NRK: variants seen among roughly 807,000 people sequenced by gnomAD.
The protein encoded by NRK is nik-related protein kinase.
NRK carries 67 observed loss-of-function variants against 125.2 expected under a neutral mutation model. The ratio of observed to expected loss-of-function variants is 0.54; its 90% confidence interval spans 0.44 to 0.66. The LOEUF (loss-of-function observed/expected upper bound fraction) is 0.66. NRK is among the 30% of genes least tolerant of loss of function. The probability of loss-of-function intolerance (pLI) is 0.00; values close to 1 mark genes in which losing one functional copy is unlikely to be tolerated. For missense variants in NRK, 1,224 were observed against 1,192.9 expected, an observed-to-expected ratio of 1.03 and a Z score of -0.38; for synonymous variants, 458 against 429.0, an observed-to-expected ratio of 1.07 and a Z score of -0.84.
At chrX:105,915,044 C>A (rs1162763486) in intron 14 of NRK, among the ~76,000 whole-genome samples, 2 of 107,773 alleles carry the variant, frequency 1.9e-5, no homozygotes, top group Non-Finnish European at 3.8e-5. Context: ...ATTATATGCA[C>A]CCTTTCTTGA....
intron 2 of NRK, among the ~76,000 whole-genome samples, chrX:105,831,504 C>A (rs942613555): frequency 8.9e-6 from 1 of 112,264 alleles, no homozygotes; most frequent in East Asian, 2.8e-4. Context: ...TCATAACATT[C>A]TATATCATAC....
At chrX:105,911,816 G>T (rs2040305804) in intron 13 of NRK, among the ~76,000 whole-genome samples, 1 of 111,709 alleles carries the variant, frequency 9.0e-6, no homozygotes, top group African/African-American at 3.2e-5. Context: ...ATCTCTGAAA[G>T]ATTCAGTGAT....
chrX:105,893,890 A>G lies in NRK; in HGVS notation c.437A>G (p.Asn146Ser), dbSNP rs2040046642. The G allele has an allele frequency of 8.3e-7, 1 of 1,198,312 alleles. No homozygotes were observed. The change falls in exon 6 of 29, where the codon AAT becomes AGT. Residue 146 changes from asparagine to serine, a missense_variant. Coordinates refer to ENST00000243300, the MANE Select transcript of NRK (RefSeq NM_198465.4). ...SVTDVVRMTS[N>S]QSLKEDWIAY... ...ACTGATGTAGTGAGAATGACCAGTA[A>G]TCAGAGTTTAAAAGAAGATTGGATT...
At chrX:105,951,396 G>A (rs2040896320) in intron 27 of NRK, among the ~76,000 whole-genome samples, 2 of 111,173 alleles carry the variant, frequency 1.8e-5, no homozygotes, top group African/African-American at 6.5e-5. Context: ...GCTACTTTAA[G>A]TTGCTAGAAT....
rs2039185169 is a variant in NRK at position 105,831,050 on chromosome X, G to C, written c.58-4G>C. The C allele has an allele frequency of 8.9e-7, 1 of 1,120,901 alleles. No homozygotes were observed. Among genetic ancestry groups the C allele is most frequent in the Admixed American group, 2.3e-5 (1 of 43,250 alleles). 92.4% of individuals were successfully genotyped at this position (1,120,901 alleles called of 1,213,427 possible). ...TTAACAATTTTTATTTTACTTTTTT[G>C]CAGGATCCAACTGGAATATTCTCAC... On this transcript the variant is annotated splice_region_variant and splice_polypyrimidine_tract_variant and intron_variant, in intron 1 of 28. Coordinates refer to ENST00000243300, the MANE Select transcript of NRK (RefSeq NM_198465.4).
intron 2 of NRK, among the ~76,000 whole-genome samples, chrX:105,855,465 G>A (rs984846023): frequency 5.4e-5 from 6 of 111,279 alleles, no homozygotes; most frequent in East Asian, 2.9e-4. Context: ...GAGAAGATTC[G>A]GGGTGAGGCA....
At chrX:105,865,866 C>T (rs951285287) in intron 2 of NRK, among the ~76,000 whole-genome samples, 3 of 109,993 alleles carry the variant, frequency 2.7e-5, no homozygotes, top group Non-Finnish European at 3.8e-5. Flanking sequence ...AGCCATTTGT[C>T]GGTCAGCTCA....
chrX:105,823,128 G>A (rs1305484450), intron 1 of NRK, among the ~76,000 whole-genome samples: 3 of 112,966 alleles, frequency 2.7e-5, no homozygotes, highest in African/African-American at 9.6e-5. Context: ...GTGGGAAGGA[G>A]AGACAGAGAA....
At chrX:105,829,512 T>C (rs1196630083) in intron 1 of NRK, among the ~76,000 whole-genome samples, 3 of 112,033 alleles carry the variant, frequency 2.7e-5, no homozygotes, top group Admixed American at 1.9e-4. Flanking sequence ...ACTCATGCCT[T>C]ATATAAGTTT....
intron 10 of NRK, 33 bp from the exon 11 acceptor site, chrX:105,906,381 A>AC: frequency 1.1e-6 from 1 of 947,675 alleles, no homozygotes; most frequent in Non-Finnish European, 1.4e-6. Context: ...GACTGAGAAC[A>AC]CTTTTTTTTC....
At chrX:105,903,029 C>G (rs1201669086) in intron 9 of NRK, among the ~76,000 whole-genome samples, 1 of 111,062 alleles carries the variant, frequency 9.0e-6, no homozygotes, top group Non-Finnish European at 1.9e-5. Flanking sequence ...ACCTTTATAC[C>G]AAGGCCAGAA....
intron 14 of NRK, among the ~76,000 whole-genome samples, chrX:105,915,238 ATG>A (rs1365150998): frequency 9.0e-6 from 1 of 110,957 alleles, no homozygotes; most frequent in African/African-American, 3.3e-5. Flanking sequence ...AAATGTATGT[ATG>A]TGTGTGTGAC....
chrX:105,909,353 C>T lies in NRK; in HGVS notation c.1712C>T (p.Ala571Val), dbSNP rs1371242293. The T allele has an allele frequency of 8.3e-7, 1 of 1,206,265 alleles. No individual in the cohort carries two copies. The highest frequency in any genetic ancestry group is 1.1e-6 in the Non-Finnish European group (1 of 891,816). Reference protein sequence around the residue: ...VQEQAAEPAQAETEAEEPESL... With the variant: ...VQEQAAEPAQVETEAEEPESL... The stretch of plus-strand genomic sequence containing the variant: ...GAACAGGCTGCCGAGCCTGCACAGG[C>T]AGAGACTGAGGCAGAGGAACCTGAG... The change falls in exon 13 of 29, where the codon GCA (alanine) becomes GTA (valine). Residue 571 changes from alanine to valine, a missense_variant. Transcript: ENST00000243300.
intron 2 of NRK, among the ~76,000 whole-genome samples, chrX:105,875,973 A>G (rs1227267838): frequency 9.0e-6 from 1 of 111,342 alleles, no homozygotes; most frequent in African/African-American, 3.3e-5. Context: ...TTGTGACAAC[A>G]TGGAAGAACC....
At chrX:105,883,456 A>G (rs944857859) in intron 4 of NRK, among the ~76,000 whole-genome samples, 8 of 112,007 alleles carry the variant, frequency 7.1e-5, no homozygotes, top group African/African-American at 2.3e-4. Context: ...GGTTTATGGA[A>G]ATAGCAATAA....
In NRK at chrX:105,906,513, T is replaced by C; in HGVS notation, c.945T>C (p.Asp315=). ...ANMLQHPFVR[D]IKNERHVVES... is the part of the protein sequence containing the mutation. ...TGCTTCAACACCCATTTGTTCGGGA[T>C]ATAAAAAATGAACGACATGTTGTTG... Residue 315 remains aspartate, a synonymous_variant, in exon 11 of 29, where the codon GAT becomes GAC. Coordinates refer to ENST00000243300, the MANE Select transcript of NRK (RefSeq NM_198465.4). The C allele has an allele frequency of 8.6e-7, 1 of 1,162,785 alleles. No homozygotes were observed. Among genetic ancestry groups the C allele is most frequent in the Non-Finnish European group, 1.2e-6 (1 of 861,436 alleles).
Position 105,937,583 on chromosome X carries a change from G to C in NRK, c.3799+1G>C. 8.5e-7 allele frequency: 1 copy of C among 1,181,829 alleles called. No individual in the cohort carries two copies. The highest frequency in any genetic ancestry group is 1.1e-6 in the Non-Finnish European group (1 of 875,663). ...CTCAATTTGCTGATTACCATCTCAG[G>C]TTTGTTTAAGAACTAAAATTAGCTG... On this transcript the variant is annotated splice_donor_variant, in intron 22 of 28. Transcript: ENST00000243300. LOFTEE classifies it high-confidence loss of function.
At position 105,888,471 on chromosome X, in the gene NRK, G is replaced by A. The variant is rs995585225; in HGVS notation, c.378+52G>A. On this transcript the variant is annotated intron_variant, in intron 5 of 28. Transcript: ENST00000243300. ...TTCTATAAGAATAAGTTTTACCCAA[G>A]GATGTATGTTTTCATGAGTTATCAC... 3 of 1,018,299 alleles carry A rather than the reference G, an allele frequency of 2.9e-6. No individual in the cohort carries two copies. The African/African-American group carries it at 5.8e-5, about 20-fold the overall frequency. 83.9% of individuals were successfully genotyped at this position (1,018,299 alleles called of 1,213,427 possible).
chrX:105,917,034 C>G (rs949383947), intron 15 of NRK, among the ~76,000 whole-genome samples: 2 of 110,997 alleles, frequency 1.8e-5, no homozygotes, highest in Non-Finnish European at 3.8e-5. Flanking sequence ...AATTTAGCAG[C>G]ATTAGTCCAA....
Sources: allele counts gnomAD v4.1 joint callset (sites outside exome capture counted in the v4.1 genomes callset), GRCh38; gene constraint gnomAD v4.1.1; transcripts MANE v1.5; gene names NCBI Gene and HGNC (gene_info 2026-07-23, HGNC 2026-07-21).